The following AK5 variants were observed in gnomAD, a reference collection of about 807,000 sequenced individuals.
The protein encoded by AK5 is adenylate kinase isoenzyme 5.
AK5 carries 27 observed loss-of-function variants against 69.5 expected under a neutral mutation model. The observed-to-expected ratio is 0.39, with a 90% CI of 0.29 to 0.54. AK5 has a LOEUF of 0.54. Among genes scored for constraint, AK5 ranks in the 20% least tolerant of loss-of-function variants. The pLI is 0.71. For synonymous variants in AK5, 260 were observed against 244.4 expected, an observed-to-expected ratio of 1.06 and a Z score of -0.60; for missense variants, 531 against 700.4, an observed-to-expected ratio of 0.76 and a Z score of 2.73.
chr1:77,293,321 G>T (rs1248695021), intron 2 of AK5, among the ~76,000 whole-genome samples: 1 of 152,070 alleles, frequency 6.6e-6, no homozygotes, highest in Non-Finnish European at 1.5e-5. Context: ...TAGCTTTATG[G>T]ACAGGCTGCT....
chr1:77,447,616 C>G (rs1652835468), intron 8 of AK5, among the ~76,000 whole-genome samples: 1 of 152,210 alleles, frequency 6.6e-6, no homozygotes, highest in South Asian at 2.1e-4. Flanking sequence ...GCTTCTCTAA[C>G]ATCTTATTAA....
chr1:77,332,604 ATTATTTATTTATTTAT>A (rs71588894), intron 5 of AK5, among the ~76,000 whole-genome samples: 3 of 146,154 alleles, frequency 2.1e-5, no homozygotes, highest in Non-Finnish European at 3.0e-5. Context: ...TATTTATTTG[ATTATTTATTTATTTAT>A]TTATTTATTT....
chr1:77,473,769 A>T (rs898300219), intron 8 of AK5, among the ~76,000 whole-genome samples: 9 of 152,228 alleles, frequency 5.9e-5, no homozygotes, highest in Non-Finnish European at 2.9e-5. Context: ...GGAAAAACGA[A>T]TTCTGCACAT....
At chr1:77,476,974 A>T (rs1469601573) in intron 8 of AK5, among the ~76,000 whole-genome samples, 3 of 150,452 alleles carry the variant, frequency 2.0e-5, no homozygotes, top group Non-Finnish European at 4.4e-5. Flanking sequence ...ATGAGGAAAT[A>T]GCCTGATCTA....
intron 5 of AK5, among the ~76,000 whole-genome samples, chr1:77,300,178 C>T (rs1231285452): frequency 6.6e-6 from 1 of 152,122 alleles, no homozygotes; most frequent in African/African-American, 2.4e-5. Flanking sequence ...CCTCTGGTAA[C>T]TCTCTGGATA....
chr1:77,324,911 T>C (rs537360307), intron 5 of AK5, among the ~76,000 whole-genome samples: 2 of 152,164 alleles, frequency 1.3e-5, no homozygotes, highest in African/African-American at 4.8e-5. Context: ...AGCCTCTAAC[T>C]TGAAGCTTGA....
intron 8 of AK5, among the ~76,000 whole-genome samples, chr1:77,476,584 C>G (rs1337085766): frequency 6.6e-6 from 1 of 152,114 alleles, no homozygotes; most frequent in Non-Finnish European, 1.5e-5. Flanking sequence ...TCTAACGATG[C>G]CCCTCCCTGC....
rs556958890 is a variant in AK5 at position 77,300,155 on chromosome 1, C to T, written c.699+2208C>T. Among the ~76,000 whole-genome samples the T allele has an allele frequency of 4.6e-5, 7 of 152,196 alleles. No individual in the cohort carries two copies. The South Asian group carries it at 6.2e-4, about 14-fold the overall frequency. On this transcript the variant is annotated intron_variant, in intron 5 of 13. Transcript: ENST00000354567. ...GAGGGAGGGAAGAGAGGATTCCCTC[C>T]GAAAAGCATAACCCTCTGGTAACTC...
chr1:77,382,349 T>A (rs1394278632), intron 6 of AK5, among the ~76,000 whole-genome samples: 3 of 152,088 alleles, frequency 2.0e-5, no homozygotes, highest in Non-Finnish European at 4.4e-5. Flanking sequence ...AACACTTTTT[T>A]AAATTTTTCA....
At chr1:77,299,330 CTTAT>C (rs1171212634) in intron 5 of AK5, among the ~76,000 whole-genome samples, 1 of 132,868 alleles carries the variant, frequency 7.5e-6, no homozygotes, top group Non-Finnish European at 1.7e-5. Flanking sequence ...TAATCTTTTT[CTTAT>C]TTATTTCAAG....
rs148910946 is a variant in AK5 at position 77,347,876 on chromosome 1, T to G, written c.891+7308T>G. On this transcript the variant is annotated intron_variant, in intron 6 of 13. Transcript: ENST00000354567. ...CAACTTTTCCATCCCCAAAGCTCCCTCACTTCCAGTCGTCTTCACACCCCG... is the reference window on the plus strand; with the variant it reads ...CAACTTTTCCATCCCCAAAGCTCCCGCACTTCCAGTCGTCTTCACACCCCG... Among the ~76,000 whole-genome samples the G allele has an allele frequency of 2.2e-3, 339 of 152,182 alleles. 2 individuals carry two copies. The highest frequency in any genetic ancestry group is 7.5e-3 in the African/African-American group (311 of 41,522).
intron 6 of AK5, among the ~76,000 whole-genome samples, chr1:77,351,367 C>G (rs1662189071): frequency 6.6e-6 from 1 of 152,070 alleles, no homozygotes; most frequent in Non-Finnish European, 1.5e-5. Flanking sequence ...TGCACTCCAG[C>G]CTGGGCAACA....
In AK5 at chr1:77,288,763, A is replaced by G. The variant is rs1380397265; in HGVS notation, c.247+1636A>G. Among the ~76,000 whole-genome samples the G allele has an allele frequency of 2.0e-5, 3 of 152,210 alleles. No homozygotes were observed. In the South Asian group the frequency reaches 6.2e-4, roughly 32 times the overall value. ...ACTTTCAAATGTTATAACGGACCAA[A>G]AAACAGAGAAATAGAAAATTTTTGA... On this transcript the variant is annotated intron_variant, in intron 2 of 13. Coordinates refer to ENST00000354567, the MANE Select transcript of AK5 (RefSeq NM_174858.3).
intron 5 of AK5, among the ~76,000 whole-genome samples, chr1:77,318,307 G>A (rs932763722): frequency 6.6e-6 from 1 of 152,044 alleles, no homozygotes. Context: ...TAGATCTTGT[G>A]AGAACTTACT....
intron 8 of AK5, among the ~76,000 whole-genome samples, chr1:77,428,637 T>C (rs1031421058): frequency 1.1e-4 from 17 of 152,156 alleles, no homozygotes; most frequent in African/African-American, 4.1e-4. Context: ...AGTTTTAGGG[T>C]ACATGTGCAC....
At chr1:77,349,942 A>G (rs12123060) in intron 6 of AK5, among the ~76,000 whole-genome samples, 7,330 of 152,240 alleles carry the variant, frequency 0.048, 252 homozygotes, top group Middle Eastern at 0.078. Context: ...CATTCATTCA[A>G]ACCATTTTAT....
At chr1:77,324,711 A>T (rs1477191031) in intron 5 of AK5, among the ~76,000 whole-genome samples, 2 of 150,740 alleles carry the variant, frequency 1.3e-5, no homozygotes, top group African/African-American at 4.9e-5. Flanking sequence ...AAAAAAAAAA[A>T]CCTCTACCCT....
At chr1:77,475,240 T>C (rs1654788570) in intron 8 of AK5, among the ~76,000 whole-genome samples, 1 of 145,384 alleles carries the variant, frequency 6.9e-6, no homozygotes, top group South Asian at 2.1e-4. Flanking sequence ...TATATAGATA[T>C]ATAAAGGCTC....
At chr1:77,538,054 A>G (rs1659064841) in intron 13 of AK5, among the ~76,000 whole-genome samples, 7 of 152,166 alleles carry the variant, frequency 4.6e-5, no homozygotes, top group Admixed American at 3.9e-4. Flanking sequence ...CTTTAATAAC[A>G]GGGCCAAGTG....
Sources: allele counts gnomAD v4.1 joint callset (sites outside exome capture counted in the v4.1 genomes callset), GRCh38; gene constraint gnomAD v4.1.1; transcripts MANE v1.5; gene names NCBI Gene and HGNC (gene_info 2026-07-23, HGNC 2026-07-21).